TMEM184B: variants seen among roughly 807,000 people sequenced by gnomAD.
TMEM184B encodes the protein transmembrane protein 184B.
In TMEM184B, 17 loss-of-function variants were observed where a neutral mutation model predicts 41.8. The ratio of observed to expected loss-of-function variants is 0.41; its 90% CI spans 0.28 to 0.61. The LOEUF (loss-of-function observed/expected upper bound fraction) is 0.61, where lower values mean the gene tolerates loss of function less well. Among genes scored for constraint, TMEM184B ranks in the 20% least tolerant of loss-of-function variants. The probability of loss-of-function intolerance (pLI) is 0.34; values close to 1 mark genes in which losing one functional copy is unlikely to be tolerated. For missense variants in TMEM184B, 393 were observed against 557.8 expected, an observed-to-expected ratio of 0.70 and a Z score of 2.98; for synonymous variants, 240 against 229.5, an observed-to-expected ratio of 1.05 and a Z score of -0.41.
In TMEM184B at chr22:38,220,011, A is replaced by G. The variant is rs993773474; in HGVS notation, c.*1458T>C. 1 of 985,358 alleles carries G rather than the reference A, an allele frequency of 1.0e-6. No individual in the cohort carries two copies. The highest frequency in any genetic ancestry group is 1.7e-5 in the African/African-American group (1 of 57,222). 61.0% of individuals were successfully genotyped at this position (985,358 alleles called of 1,614,324 possible). A position where few individuals can be genotyped will look rare whatever the true frequency, so the allele number is the denominator to read the frequency against. Reference sequence around the variant, plus strand: ...GGAAGGACCAAAAGAAAGAATCCCCAGTGAACACCGGCAGGGTCCCTCTCC... The same window carrying G: ...GGAAGGACCAAAAGAAAGAATCCCCGGTGAACACCGGCAGGGTCCCTCTCC... On this transcript the variant is annotated 3_prime_UTR_variant, in exon 9 of 9. Coordinates refer to ENST00000361906, the MANE Select transcript of TMEM184B (RefSeq NM_012264.5).
At position 38,247,788 on chromosome 22, in the gene TMEM184B, C is replaced by A; in HGVS notation, c.174G>T (p.Leu58=). The A allele has an allele frequency of 1.2e-6, 2 of 1,613,534 alleles. No homozygotes were observed. The highest frequency in any genetic ancestry group is 8.5e-7 in the Non-Finnish European group (1 of 1,179,696). Residue 58 remains leucine, a synonymous_variant, in exon 2 of 9, where the codon CTG becomes CTT. Coordinates refer to ENST00000361906, the MANE Select transcript of TMEM184B (RefSeq NM_012264.5). ...TGGGTACCTGGTGGCATGTGATGAG[C>A]AGGGCCGTCCACACGAAGAAGCCAG... The part of the protein sequence containing the change: ...AISGFFVWTA[L]LITCHQIYMH...
intron 1 of TMEM184B, among the ~76,000 whole-genome samples, chr22:38,253,004 T>C (rs2092202025): frequency 6.6e-6 from 1 of 151,920 alleles, no homozygotes; most frequent in African/African-American, 2.4e-5. Context: ...TAGCCGGGCC[T>C]GGTGGCAGGC....
chr22:38,227,115 G>A lies in TMEM184B; in HGVS notation c.526-245C>T, dbSNP rs997404704. Among the ~76,000 whole-genome samples, 8 of 151,872 alleles carry A rather than the reference G, an allele frequency of 5.3e-5. 1 individual carries two copies. Among genetic ancestry groups the A allele is most frequent in the Non-Finnish European group, 8.8e-5 (6 of 67,962 alleles). ...CTGCTCCCAGGGGACTGCTGTCTGC[G>A]CGGGGCGGGGGGCAGAACATATAGG... On this transcript the variant is annotated intron_variant, in intron 5 of 8. Coordinates refer to ENST00000361906, the MANE Select transcript of TMEM184B (RefSeq NM_012264.5).
chr22:38,216,590 G>C (rs2146028232), downstream of TMEM184B: 1 of 161,012 alleles, frequency 6.2e-6, no homozygotes, highest in Non-Finnish European at 1.5e-5. Context: ...GCTTCTGGTG[G>C]CGGGGAGGGC....
intron 2 of TMEM184B, chr22:38,246,450 T>C (rs1330179770): frequency 3.4e-6 from 1 of 295,026 alleles, no homozygotes; most frequent in African/African-American, 2.1e-5. Context: ...CCTCACGCAC[T>C]GGCAGCTCTG....
intron 5 of TMEM184B, among the ~76,000 whole-genome samples, chr22:38,229,382 C>T (rs2091545805): frequency 6.6e-6 from 1 of 152,252 alleles, no homozygotes; most frequent in Non-Finnish European, 1.5e-5. Context: ...CTCATCTGAT[C>T]CTCACAACCA....
At chr22:38,268,885 T>G (rs2092481493) in intron 1 of TMEM184B, among the ~76,000 whole-genome samples, 1 of 152,242 alleles carries the variant, frequency 6.6e-6, no homozygotes. Context: ...CACACAGGCC[T>G]GCGATGCCTC....
chr22:38,237,746 A>C (rs925882645), intron 3 of TMEM184B, among the ~76,000 whole-genome samples: 16 of 151,712 alleles, frequency 1.1e-4, no homozygotes, highest in African/African-American at 3.9e-4. Context: ...TGCGTGGTAC[A>C]AGTGACCCCA....
At chr22:38,222,439 A>T in intron 8 of TMEM184B, 1 of 203,512 alleles carries the variant, frequency 4.9e-6, no homozygotes, top group Non-Finnish European at 8.7e-6. Context: ...AAGGCGGGGC[A>T]TATTCCAGAA....
chr22:38,235,417 C>A (rs1303731044), intron 3 of TMEM184B, among the ~76,000 whole-genome samples: 1 of 152,232 alleles, frequency 6.6e-6, no homozygotes, highest in African/African-American at 2.4e-5. Context: ...AAACACATGT[C>A]AGCAGTCAGC....
chr22:38,254,600 C>T (rs2145732288), intron 1 of TMEM184B, among the ~76,000 whole-genome samples: 1 of 151,838 alleles, frequency 6.6e-6, no homozygotes, highest in East Asian at 1.9e-4. Flanking sequence ...ACTCTGTCTC[C>T]AAAACAAACA....
rs1305999500 is a variant in TMEM184B, at chr22:38,220,628, G to A, written c.*841C>T. On this transcript the variant is annotated 3_prime_UTR_variant, in exon 9 of 9. Transcript: ENST00000361906. ...GAGAGAGGACCCAGCATCAGCCTGGGAAGGAGGGCTGGGAGCCCCTGAGCC... is the reference window on the plus strand; with the variant it reads ...GAGAGAGGACCCAGCATCAGCCTGGAAAGGAGGGCTGGGAGCCCCTGAGCC... 5.1e-6 allele frequency: 5 copies of A among 986,138 alleles called. No homozygotes were observed. Among genetic ancestry groups the A allele is most frequent in the East Asian group, 2.3e-4 (2 of 8,836 alleles). The allele number at this position is 986,138 out of a possible 1,614,324, so 61.1% of individuals were successfully genotyped here. A position where few individuals can be genotyped will look rare whatever the true frequency, so the allele number is the denominator to read the frequency against.
At chr22:38,259,939 C>CTTTTTTTTT (rs60704295) in intron 1 of TMEM184B, among the ~76,000 whole-genome samples, 1 of 87,364 alleles carries the variant, frequency 1.1e-5, no homozygotes, top group East Asian at 3.4e-4. Flanking sequence ...CCACGCCTGG[C>CTTTTTTTTT]TTTTTTTTTT....
At chr22:38,217,053 G>A (rs527678100), downstream of TMEM184B, among the ~76,000 whole-genome samples, 245 of 149,480 alleles carry the variant, frequency 1.6e-3, 1 homozygote, top group African/African-American at 5.7e-3. Context: ...CAGGCCGGGC[G>A]CAGTGGCTCA....
intron 1 of TMEM184B, among the ~76,000 whole-genome samples, chr22:38,263,501 T>C (rs758224875): frequency 5.3e-5 from 8 of 152,230 alleles, no homozygotes; most frequent in Non-Finnish European, 1.0e-4. Context: ...TCTTATGTAT[T>C]ATGGCCACGC....
chr22:38,220,836 G>A lies in TMEM184B; in HGVS notation c.*633C>T, dbSNP rs754741735. 4 of 986,068 alleles carry A rather than the reference G, an allele frequency of 4.1e-6. No individual in the cohort carries two copies. The highest frequency in any genetic ancestry group is 9.4e-5 in the South Asian group (2 of 21,296). 61.1% of individuals were successfully genotyped at this position (986,068 alleles called of 1,614,324 possible). A position where few individuals can be genotyped will look rare whatever the true frequency, so the allele number is the denominator to read the frequency against. On this transcript the variant is annotated 3_prime_UTR_variant, in exon 9 of 9. Transcript: ENST00000361906. Reference sequence around the variant, plus strand: ...CAGAAGCCCCTGCTTCAACAGAAGCGGTGCCCAGGGGCCCTGAATGCCCTT... The same window carrying A: ...CAGAAGCCCCTGCTTCAACAGAAGCAGTGCCCAGGGGCCCTGAATGCCCTT...
At chr22:38,253,763 T>TA (rs1216767462) in intron 1 of TMEM184B, among the ~76,000 whole-genome samples, 12 of 151,792 alleles carry the variant, frequency 7.9e-5, no homozygotes, top group Admixed American at 4.6e-4. Context: ...GCATGATCCA[T>TA]AAAAGGAAAA....
downstream of TMEM184B, among the ~76,000 whole-genome samples, chr22:38,218,204 C>G (rs1252545713): frequency 6.6e-6 from 1 of 152,208 alleles, no homozygotes; most frequent in Non-Finnish European, 1.5e-5. Flanking sequence ...AACCCTGTGT[C>G]TTGTCCTAGG....
chr22:38,242,176 A>G (rs2091924798), intron 3 of TMEM184B, among the ~76,000 whole-genome samples: 1 of 151,962 alleles, frequency 6.6e-6, no homozygotes, highest in African/African-American at 2.4e-5. Flanking sequence ...TTAACAAAGA[A>G]AAAAAGCAGG....
Sources: gnomAD v4.1 joint callset for allele counts (sites outside exome capture counted in the v4.1 genomes callset) on GRCh38, gnomAD v4.1.1 for gene constraint, MANE v1.5 for transcripts, NCBI Gene and HGNC (gene_info 2026-07-23, HGNC 2026-07-21) for gene names.